The following LIFR variants were observed in gnomAD, a reference collection of about 807,000 sequenced individuals.
The protein encoded by LIFR is leukemia inhibitory factor receptor.
LIFR carries 84 observed loss-of-function variants against 122.2 expected under a neutral mutation model. The observed-to-expected ratio is 0.69, with a 90% confidence interval of 0.58 to 0.82. The LOEUF is 0.82. Among genes scored for constraint, LIFR ranks in the 40% least tolerant of loss-of-function variants. The pLI, the probability that LIFR is intolerant of heterozygous loss-of-function variation, is 0.00. For missense variants in LIFR, 1,294 were observed against 1,311.6 expected (o/e 0.99, Z 0.21); for synonymous variants, 422 against 434.7 (o/e 0.97, Z 0.36).
At chr5:38,528,888 A>G (rs1189764007) in intron 2 of LIFR, 48 bp from the exon 3 acceptor site, 2 of 1,051,364 alleles carry the variant, frequency 1.9e-6, no homozygotes, top group Admixed American at 4.0e-5. Context: ...AGACACACAT[A>G]AACACAGAAT....
upstream of LIFR, chr5:38,557,534 C>T (rs1486232714): frequency 6.5e-6 from 1 of 154,786 alleles, no homozygotes; most frequent in Non-Finnish European, 1.5e-5. Context: ...CCCTGGCACG[C>T]AGTCAGGACT....
chr5:38,539,115 T>C (rs1747447195), intron 1 of LIFR, among the ~76,000 whole-genome samples: 1 of 152,074 alleles, frequency 6.6e-6, no homozygotes, highest in African/African-American at 2.4e-5. Context: ...CGCCTGCCAC[T>C]GTGCCTGGCT....
chr5:38,536,739 T>G lies in LIFR; in HGVS notation c.-19-6073A>C, dbSNP rs931323402. 7.2e-5 allele frequency among the ~76,000 whole-genome samples: 11 copies of G among 152,338 alleles called. 1 individual carries two copies. The highest frequency in any genetic ancestry group is 2.6e-4 in the African/African-American group (11 of 41,574). On this transcript the variant is annotated intron_variant, in intron 1 of 19. Transcript: ENST00000453190. ...AACATTAACAAAACACGACGGGCAC[T>G]GTGAACTATGACAGTCTGGGGACCT...
intron 14 of LIFR, among the ~76,000 whole-genome samples, chr5:38,491,862 CTTGAGG>C (rs1744610536): frequency 1.3e-5 from 2 of 152,200 alleles, no homozygotes; most frequent in Non-Finnish European, 2.9e-5. Flanking sequence ...GAAAGGTATG[CTTGAGG>C]TTATCATTTT....
At chr5:38,511,756 A>G in intron 6 of LIFR, 34 bp downstream of exon 6, 1 of 1,598,704 alleles carries the variant, frequency 6.3e-7, no homozygotes. Context: ...AATTTAATTC[A>G]TCTGAAACAA....
intron 12 of LIFR, among the ~76,000 whole-genome samples, chr5:38,498,964 G>C (rs942300674): frequency 3.3e-5 from 5 of 151,918 alleles, no homozygotes; most frequent in African/African-American, 9.7e-5. Context: ...ATCTAATATA[G>C]AAAACAATTG....
rs2112378006 is a variant in LIFR, at chr5:38,485,983, A to AT, written c.2336-4dup. 2 of 1,610,458 alleles carry AT rather than the reference A, an allele frequency of 1.2e-6. No homozygotes were observed. Among genetic ancestry groups the AT allele is most frequent in the East Asian group, 4.5e-5 (2 of 44,848 alleles). On this transcript the variant is annotated splice_polypyrimidine_tract_variant and splice_region_variant and intron_variant, in intron 16 of 19. Coordinates refer to ENST00000453190, the MANE Select transcript of LIFR (RefSeq NM_001127671.2). Reference sequence around the variant, plus strand: ...CTTAACTTTTATGTCAGAACGACCTATTTTTAAAATGAAGTATGTTAGCAC... The same window carrying AT: ...CTTAACTTTTATGTCAGAACGACCTATTTTTTAAAATGAAGTATGTTAGCAC...
chr5:38,585,512 C>T (rs769501958), intron 1 of LIFR, among the ~76,000 whole-genome samples: 2 of 152,182 alleles, frequency 1.3e-5, no homozygotes, highest in Non-Finnish European at 2.9e-5. Context: ...TCAATGATCT[C>T]CATGTGCTTC....
chr5:38,582,755 C>G (rs1749626282), intron 1 of LIFR, among the ~76,000 whole-genome samples: 1 of 152,158 alleles, frequency 6.6e-6, no homozygotes, highest in South Asian at 2.1e-4. Flanking sequence ...ATTTCACTGG[C>G]ACTGTCTTAG....
rs753750253 is a variant in LIFR, at chr5:38,530,011, TA to T, written c.142+494del. ...TATAAAATATCTACATAAACATTCT[TA>T]ATATATTTAAGATGTAACATAATAC... On this transcript the variant is annotated intron_variant, in intron 2 of 19. Coordinates refer to ENST00000453190, the MANE Select transcript of LIFR (RefSeq NM_001127671.2). Among the ~76,000 whole-genome samples the T allele has an allele frequency of 1.5e-4, 23 of 152,328 alleles. 1 individual carries two copies. The highest frequency in any genetic ancestry group is 5.1e-4 in the African/African-American group (21 of 41,576).
In LIFR at chr5:38,601,346, C is replaced by T. The variant is rs541990299; in HGVS notation, n.305+4859G>A. ...ACTGTGAGAAATAAAATGTCTGTTG[C>T]TTAAGCCACCCAGTCTGTGGTGTCT... On this transcript the variant is annotated intron_variant and non_coding_transcript_variant, in intron 2 of 3. Transcript: ENST00000507786. Among the ~76,000 whole-genome samples the T allele has an allele frequency of 1.4e-3, 210 of 152,292 alleles. 1 individual carries two copies. The highest frequency in any genetic ancestry group is 4.8e-3 in the African/African-American group (200 of 41,574).
At chr5:38,504,195 G>A in intron 9 of LIFR, 74 bp from the exon 10 acceptor site, 1 of 1,084,898 alleles carries the variant, frequency 9.2e-7, no homozygotes, top group Non-Finnish European at 1.4e-6. Flanking sequence ...CAAATGAGAA[G>A]AAAACATAAA....
upstream of LIFR, chr5:38,559,286 A>C (rs1309252919): frequency 6.6e-6 from 1 of 152,246 alleles, no homozygotes; most frequent in African/African-American, 2.4e-5. Flanking sequence ...CGTGAGGAAA[A>C]ACGGAGTTTC....
Position 38,475,009 on chromosome 5 carries a change from T to G in LIFR, c.*6586A>C, listed in dbSNP as rs1336488917. The G allele has an allele frequency of 2.9e-5, 5 of 171,678 alleles. No homozygotes were observed. Among genetic ancestry groups the G allele is most frequent in the Non-Finnish European group, 6.3e-5 (5 of 79,238 alleles). The allele number at this position is 171,678 out of a possible 1,614,324, so 10.6% of individuals were successfully genotyped here. ...TATTTTTTCCATGACAATACTATGA[T>G]AAAATTGTTAAATACATGCATGTTT... On this transcript the variant is annotated 3_prime_UTR_variant, in exon 20 of 20. Transcript: ENST00000453190.
chr5:38,488,184 G>C (rs1744390791), intron 16 of LIFR, among the ~76,000 whole-genome samples: 1 of 152,146 alleles, frequency 6.6e-6, no homozygotes, highest in African/African-American at 2.4e-5. Context: ...TGTGGAATTT[G>C]ATATTCAGGA....
chr5:38,608,398 G>A (rs1359726651), upstream of LIFR: 2 of 152,038 alleles, frequency 1.3e-5, no homozygotes, highest in African/African-American at 4.8e-5. Context: ...TATGAGACCT[G>A]GAATGCAACC....
At position 38,493,698 on chromosome 5, in the gene LIFR, A is replaced by C; in HGVS notation, c.1973T>G (p.Val658Gly). The C allele has an allele frequency of 6.2e-7, 1 of 1,614,160 alleles. No homozygotes were observed. The highest frequency in any genetic ancestry group is 8.5e-7 in the Non-Finnish European group (1 of 1,179,998). ...CCGAGACGAGTTACACCACTTAATG[A>C]CGTAGTCGCAAGTCATGTTGGGGTC... ...HYDPNMTCDYVIKWCNSSRSE... is the reference protein window; with the variant it reads ...HYDPNMTCDYGIKWCNSSRSE... Residue 658 changes from valine to glycine, a missense_variant, in exon 14 of 20, where the codon GTC becomes GGC. Transcript: ENST00000453190.
At chr5:38,528,971 G>A (rs1007930846) in intron 2 of LIFR, 131 bp from the exon 3 acceptor site, 2 of 643,464 alleles carry the variant, frequency 3.1e-6, no homozygotes, top group Non-Finnish European at 5.6e-6. Flanking sequence ...TGTGTCTGCA[G>A]AGAGCCCATG....
chr5:38,483,419 T>C (rs1332056740), intron 18 of LIFR, among the ~76,000 whole-genome samples: 1 of 151,762 alleles, frequency 6.6e-6, no homozygotes, highest in Non-Finnish European at 1.5e-5. Flanking sequence ...AGTTGGGTTT[T>C]TTTTGTTTTT....
Sources: allele counts gnomAD v4.1 joint callset (sites outside exome capture counted in the v4.1 genomes callset), GRCh38; gene constraint gnomAD v4.1.1; transcripts MANE v1.5; gene names NCBI Gene and HGNC (gene_info 2026-07-23, HGNC 2026-07-21).